The following AK4 variants were observed in gnomAD, a reference collection of about 807,000 sequenced individuals.
AK4 encodes the protein adenylate kinase 4, mitochondrial.
In AK4, 13 loss-of-function variants were observed where a neutral mutation model predicts 24.6. That is an observed-to-expected ratio of 0.53 (90% confidence interval 0.34 to 0.84). The LOEUF is 0.84. AK4 is among the 40% of genes least tolerant of loss of function. The pLI is 0.01. For missense variants in AK4, 192 were observed against 288.2 expected (o/e 0.67, Z 2.42); for synonymous variants, 88 against 107.0 (o/e 0.82, Z 1.10).
rs57443867 is a variant in AK4 at position 65,168,299 on chromosome 1, A to G, written c.145+19747A>G. Among the ~76,000 whole-genome samples the G allele has an allele frequency of 9.0e-3, 1,365 of 152,144 alleles. 24 individuals are homozygous for G. The highest frequency in any genetic ancestry group is 0.031 in the African/African-American group (1,304 of 41,500). Reference sequence around the variant, plus strand: ...GTAGCTGGGCTTGCAAGCATGTGTCACCATGCCCAGCTAATTTTGTATTTT... The same window carrying G: ...GTAGCTGGGCTTGCAAGCATGTGTCGCCATGCCCAGCTAATTTTGTATTTT... On this transcript the variant is annotated intron_variant, in intron 1 of 4. Coordinates refer to ENST00000327299, the MANE Select transcript of AK4 (RefSeq NM_013410.4).
At chr1:65,222,739 A>G (rs1452907998) in intron 3 of AK4, among the ~76,000 whole-genome samples, 2 of 152,236 alleles carry the variant, frequency 1.3e-5, no homozygotes, top group Non-Finnish European at 2.9e-5. Context: ...AGAATAAGTC[A>G]TATACCCAAG....
At chr1:65,152,348 C>A (rs56326351) in intron 1 of AK4, among the ~76,000 whole-genome samples, 16 of 44,314 alleles carry the variant, frequency 3.6e-4, no homozygotes, top group African/African-American at 1.1e-3. Flanking sequence ...CTCTCTCTCT[C>A]TCTCTCTCTC....
chr1:65,224,619 C>A (rs1453473022), intron 3 of AK4, 133 bp from the exon 4 acceptor site: 6 of 675,956 alleles, frequency 8.9e-6, no homozygotes, highest in Non-Finnish European at 1.6e-5. Context: ...CTTAAAATTA[C>A]CACTGTCACC....
rs565959907 is a variant in AK4 at position 65,173,950 on chromosome 1, A to G, written c.146-16760A>G. 8.6e-4 allele frequency among the ~76,000 whole-genome samples: 131 copies of G among 151,988 alleles called. 1 individual carries two copies. Among genetic ancestry groups the G allele is most frequent in the East Asian group, 7.7e-4 (4 of 5,162 alleles). The stretch of plus-strand genomic sequence containing the variant: ...TAGAGTCTGGCACAAGGAAGTTGAC[A>G]TGGCATGTTAGACACCGGTGTCCTA... On this transcript the variant is annotated intron_variant, in intron 1 of 4. Transcript: ENST00000327299.
At chr1:65,167,323 G>T (rs905559307) in intron 1 of AK4, among the ~76,000 whole-genome samples, 1 of 151,932 alleles carries the variant, frequency 6.6e-6, no homozygotes, top group East Asian at 1.9e-4. Flanking sequence ...CTGCATAACT[G>T]GTAGAACAGC....
chr1:65,212,560 C>T (rs895196277), intron 2 of AK4, among the ~76,000 whole-genome samples: 8 of 152,140 alleles, frequency 5.3e-5, no homozygotes, highest in Non-Finnish European at 1.2e-4. Context: ...ACAGTCACAG[C>T]TCACTGCAGC....
At chr1:65,155,955 C>T (rs1308175520) in intron 1 of AK4, among the ~76,000 whole-genome samples, 1 of 151,248 alleles carries the variant, frequency 6.6e-6, no homozygotes, top group African/African-American at 2.4e-5. Context: ...CAGGCATGAG[C>T]CACCTTCCAC....
chr1:65,153,218 C>T (rs993482630), intron 1 of AK4, among the ~76,000 whole-genome samples: 2 of 152,232 alleles, frequency 1.3e-5, no homozygotes, highest in Admixed American at 6.5e-5. Context: ...GACAGTAAGT[C>T]TGCCTTAGCC....
chr1:65,152,690 C>T (rs1649839887), intron 1 of AK4, among the ~76,000 whole-genome samples: 1 of 151,914 alleles, frequency 6.6e-6, no homozygotes, highest in Admixed American at 6.6e-5. Flanking sequence ...TGAGCCACCG[C>T]ACCTGGCCTC....
intron 2 of AK4, among the ~76,000 whole-genome samples, chr1:65,198,145 C>T (rs1233938228): frequency 6.6e-6 from 1 of 152,120 alleles, no homozygotes; most frequent in Non-Finnish European, 1.5e-5. Context: ...CCACATAACC[C>T]TTCTATCTCA....
chr1:65,199,205 G>A (rs1489548169), intron 2 of AK4, among the ~76,000 whole-genome samples: 1 of 152,012 alleles, frequency 6.6e-6, no homozygotes, highest in African/African-American at 2.4e-5. Flanking sequence ...TCTTTACTGT[G>A]TGTTTGCATG....
intron 3 of AK4, among the ~76,000 whole-genome samples, chr1:65,223,086 AAT>A (rs1295425921): frequency 1.3e-5 from 2 of 150,802 alleles, no homozygotes; most frequent in Admixed American, 6.6e-5. Context: ...TACACCTTTA[AAT>A]ATGTCATTTT....
rs867531785 is a variant in AK4 at position 65,195,647 on chromosome 1, G to T, written c.265+4818G>T. On this transcript the variant is annotated intron_variant, in intron 2 of 4. Coordinates refer to ENST00000327299, the MANE Select transcript of AK4 (RefSeq NM_013410.4). Reference sequence around the variant, plus strand: ...ACTTTCTGGCAGCCTGTGTGACCCTGGGCCTCTGGTTGCTCATGAAACACA... The same window carrying T: ...ACTTTCTGGCAGCCTGTGTGACCCTTGGCCTCTGGTTGCTCATGAAACACA... 2.0e-5 allele frequency among the ~76,000 whole-genome samples: 3 copies of T among 152,138 alleles called. No homozygotes were observed. The South Asian group carries it at 6.2e-4, about 32-fold the overall frequency.
intron 2 of AK4, among the ~76,000 whole-genome samples, chr1:65,200,731 A>G (rs1431938769): frequency 2.0e-5 from 3 of 152,016 alleles, no homozygotes; most frequent in Non-Finnish European, 4.4e-5. Context: ...ACCACAGTAG[A>G]GCAACAAAGA....
chr1:65,187,929 T>G (rs1252247952), intron 1 of AK4, among the ~76,000 whole-genome samples: 1 of 152,252 alleles, frequency 6.6e-6, no homozygotes, highest in African/African-American at 2.4e-5. Flanking sequence ...TTGTTCCGCC[T>G]TTTGCAGCAT....
chr1:65,197,605 C>G (rs1322607755), intron 2 of AK4, among the ~76,000 whole-genome samples: 1 of 152,112 alleles, frequency 6.6e-6, no homozygotes, highest in East Asian at 1.9e-4. Flanking sequence ...TGAATGTGTG[C>G]AGTGTTTGTG....
rs184539629 is a variant in AK4 at position 65,212,331 on chromosome 1, G to A, written c.266-6423G>A. ...TTTTTTTTTGAGACAGGGTTTCCCT[G>A]TGTCTCCCAGGCTGGAATTCAGTGG... is the stretch of plus-strand genomic sequence containing the variant. On this transcript the variant is annotated intron_variant, in intron 2 of 4. Transcript: ENST00000327299. Among the ~76,000 whole-genome samples, 159 of 151,240 alleles carry A rather than the reference G, an allele frequency of 1.1e-3. 2 individuals carry two copies. Among genetic ancestry groups the A allele is most frequent in the African/African-American group, 3.5e-3 (145 of 41,186 alleles).
At chr1:65,169,069 G>A (rs1396479542) in intron 1 of AK4, among the ~76,000 whole-genome samples, 4 of 151,790 alleles carry the variant, frequency 2.6e-5, no homozygotes, top group East Asian at 1.9e-4. Flanking sequence ...CCAGCTACTA[G>A]GGCGGATGAG....
chr1:65,229,526 C>G lies in AK4; in HGVS notation c.*3349C>G, dbSNP rs1316004517. 1 of 151,320 alleles carries G rather than the reference C, an allele frequency of 6.6e-6. No individual in the cohort carries two copies. Among genetic ancestry groups the G allele is most frequent in the Non-Finnish European group, 1.5e-5 (1 of 67,880 alleles). The allele number at this position is 151,320 out of a possible 1,614,324, so 9.4% of individuals were successfully genotyped here. A position where few individuals can be genotyped will look rare whatever the true frequency, so the allele number is the denominator to read the frequency against. On this transcript the variant is annotated 3_prime_UTR_variant, in exon 5 of 5. Coordinates refer to ENST00000327299, the MANE Select transcript of AK4 (RefSeq NM_013410.4). ...CCAAGCCTGGGCGACACAGCGAGACCCTCTCTCTTAAAAAAAAAAAATAGC... is the reference window on the plus strand; with the variant it reads ...CCAAGCCTGGGCGACACAGCGAGACGCTCTCTCTTAAAAAAAAAAAATAGC...
Sources: allele counts gnomAD v4.1 joint callset (sites outside exome capture counted in the v4.1 genomes callset), GRCh38; gene constraint gnomAD v4.1.1; transcripts MANE v1.5; gene names NCBI Gene and HGNC (gene_info 2026-07-23, HGNC 2026-07-21).